Variants in PNPLA7 observed in about 807,000 individuals in gnomAD.
PNPLA7 encodes the protein patatin-like phospholipase domain-containing protein 7.
Under a neutral mutation model 161.7 loss-of-function variants are expected in PNPLA7, and 153 were observed. The observed-to-expected ratio is 0.95, with a 90% CI of 0.83 to 1.08. The LOEUF is 1.08. Among genes scored for constraint, PNPLA7 ranks in the 50% least tolerant of loss-of-function variants. The pLI is 0.00. For missense variants in PNPLA7, 1,739 were observed against 1,856.6 expected (o/e 0.94, Z 1.16); for synonymous variants, 809 against 782.1 (o/e 1.03, Z -0.57).
rs374416034 is a variant in PNPLA7, at chr9:137,462,833, G to T, written c.3344C>A (p.Ala1115Glu). 8 of 1,613,530 alleles carry T rather than the reference G, an allele frequency of 5.0e-6. No individual in the cohort carries two copies. Among genetic ancestry groups the T allele is most frequent in the Non-Finnish European group, 6.8e-6 (8 of 1,179,884 alleles). The change falls in exon 30 of 35, where the codon GCG becomes GAG. Residue 1115 changes from alanine to glutamate, a missense_variant and splice_region_variant. Ala to Glu is a moderately radical substitution (Grantham distance 107). Coordinates refer to ENST00000406427, the MANE Select transcript of PNPLA7 (RefSeq NM_001098537.3). ...MDGGYINNLP[A>E]DVARSMGAKV... ...TGCCCCCATGGACCGGGCCACATCCGCTAGGGAGAAGCCAGCCCTGGTTAC... is the reference window on the plus strand; with the variant it reads ...TGCCCCCATGGACCGGGCCACATCCTCTAGGGAGAAGCCAGCCCTGGTTAC...
At chr9:137,481,188 C>G (rs1832202230) in intron 21 of PNPLA7, among the ~76,000 whole-genome samples, 165 bp from the exon 22 acceptor site, 1 of 152,210 alleles carries the variant, frequency 6.6e-6, no homozygotes, top group African/African-American at 2.4e-5. Flanking sequence ...ACCCCAAGGT[C>G]TGCTCCCCTT....
In PNPLA7 at chr9:137,462,008, C is replaced by T; in HGVS notation, c.3679G>A (p.Asp1227Asn). Residue 1227 changes from aspartate (D) to asparagine (N), a missense_variant, in exon 32 of 35, where the codon GAC becomes AAC. Coordinates refer to ENST00000406427, the MANE Select transcript of PNPLA7 (RefSeq NM_001098537.3). ...VGYQHGRTVF[D>N]IWGRSGVLEK... Reference sequence around the variant, plus strand: ...AGCACGCCGCTGCGGCCCCAGATGTCAAACACCGTGCGCCCGTGCTGGTAG... The same window carrying T: ...AGCACGCCGCTGCGGCCCCAGATGTTAAACACCGTGCGCCCGTGCTGGTAG... 6.2e-7 allele frequency: 1 copy of T among 1,603,932 alleles called. No individual in the cohort carries two copies. Among genetic ancestry groups the T allele is most frequent in the Non-Finnish European group, 8.5e-7 (1 of 1,177,120 alleles).
chr9:137,463,255 G>A (rs554297404), intron 29 of PNPLA7, 160 bp downstream of exon 29: 69 of 675,334 alleles, frequency 1.0e-4, no homozygotes, highest in African/African-American at 8.1e-4. Flanking sequence ...GCATGTTCTC[G>A]GAGCTCTGAT....
chr9:137,465,519 C>T (rs571532182), intron 26 of PNPLA7, among the ~76,000 whole-genome samples: 150 of 152,344 alleles, frequency 9.8e-4, no homozygotes, highest in African/African-American at 3.5e-3. Flanking sequence ...GGTTCTGTCC[C>T]GAGGACGCTG....
At chr9:137,515,235 G>T in intron 12 of PNPLA7, 144 bp downstream of exon 12, 1 of 1,096,894 alleles carries the variant, frequency 9.1e-7, no homozygotes, top group Admixed American at 2.8e-5. Flanking sequence ...CAGAGGACAG[G>T]CACAGGCCCC....
rs1832465295 is a variant in PNPLA7 at position 137,486,044 on chromosome 9, T to C, written c.2198-1308A>G. Among the ~76,000 whole-genome samples the C allele has an allele frequency of 6.6e-6, 1 of 151,722 alleles. No homozygotes were observed. Among genetic ancestry groups the C allele is most frequent in the South Asian group, 2.1e-4 (1 of 4,800 alleles). On this transcript the variant is annotated intron_variant, in intron 20 of 34. Transcript: ENST00000406427. This position sits in a 1 kb window ranked among gnomAD's most constrained non-coding sequence, Gnocchi z 6.0. ...CCCACGAGGGTCTCCTGCATCTAGG[T>C]GCCGTGGATGCTCCTCCTCTGCAGT...
intron 17 of PNPLA7, among the ~76,000 whole-genome samples, chr9:137,497,584 G>A (rs894652515): frequency 1.3e-5 from 2 of 152,240 alleles, no homozygotes; most frequent in East Asian, 1.9e-4. Flanking sequence ...CTGAAGTGCA[G>A]TGGCACGACC....
At position 137,547,891 on chromosome 9, in the gene PNPLA7, G is replaced by A. The variant is rs527445086; in HGVS notation, c.31-232C>T. On this transcript the variant is annotated intron_variant, in intron 1 of 34. Coordinates refer to ENST00000406427, the MANE Select transcript of PNPLA7 (RefSeq NM_001098537.3). The surrounding 1 kb of genome is among the most constrained non-coding windows in gnomAD (Gnocchi z 4.6). ...TGGGATACAGTGGGGCAGGGCCAGC[G>A]GCTGCCCCAGGCATCACTAACACAC... 8.5e-5 allele frequency among the ~76,000 whole-genome samples: 13 copies of A among 152,298 alleles called. No homozygotes were observed. The highest frequency in any genetic ancestry group is 7.2e-4 in the Admixed American group (11 of 15,300).
rs1831552044 is a variant in PNPLA7 at position 137,467,955 on chromosome 9, T to C, written c.2883-482A>G. The stretch of plus-strand genomic sequence containing the variant: ...ATGAAATCCTTCCTTCTGGAGGTAC[T>C]GAGGGACTGTGAGGCTGGGATGGGG... On this transcript the variant is annotated intron_variant, in intron 25 of 34. Transcript: ENST00000406427. The surrounding 1 kb of genome is among the most constrained non-coding windows in gnomAD (Gnocchi z 5.1). 6.6e-6 allele frequency among the ~76,000 whole-genome samples: 1 copy of C among 151,832 alleles called. No homozygotes were observed. Among genetic ancestry groups the C allele is most frequent in the Non-Finnish European group, 1.5e-5 (1 of 67,934 alleles).
chr9:137,549,894 G>A (rs577412868), intron 1 of PNPLA7, among the ~76,000 whole-genome samples: 20 of 152,250 alleles, frequency 1.3e-4, no homozygotes, highest in Non-Finnish European at 2.5e-4. Flanking sequence ...CAAGGCCTCA[G>A]GCAATGCCCA....
At chr9:137,494,167 G>C (rs1222511159) in intron 19 of PNPLA7, among the ~76,000 whole-genome samples, 2 of 152,162 alleles carry the variant, frequency 1.3e-5, no homozygotes, top group Non-Finnish European at 2.9e-5. Context: ...GCTGGCTGAT[G>C]AACAACTGCA....
At position 137,540,574 on chromosome 9, in the gene PNPLA7, A is replaced by T; in HGVS notation, c.747+68T>A. ...TTAACCACTACCAGCTGTCCAGACA[A>T]GACAGAAAAACCAGGCCTCCGGGGC... On this transcript the variant is annotated intron_variant, in intron 8 of 34. Transcript: ENST00000406427. The surrounding 1 kb of genome is among the most constrained non-coding windows in gnomAD (Gnocchi z 5.1). 1 of 1,369,250 alleles carries T rather than the reference A, an allele frequency of 7.3e-7. No individual in the cohort carries two copies. Among genetic ancestry groups the T allele is most frequent in the Non-Finnish European group, 1.0e-6 (1 of 987,974 alleles). The allele number at this position is 1,369,250 out of a possible 1,614,324, so 84.8% of individuals were successfully genotyped here.
At chr9:137,461,831 C>G in intron 32 of PNPLA7, 100 bp downstream of exon 32, 1 of 1,345,372 alleles carries the variant, frequency 7.4e-7, no homozygotes, top group Non-Finnish European at 1.0e-6. Context: ...GGCCTGTGGC[C>G]TGAGGAGCTG....
intron 1 of PNPLA7, among the ~76,000 whole-genome samples, chr9:137,548,538 A>G (rs1282248934): frequency 6.6e-6 from 1 of 152,160 alleles, no homozygotes; most frequent in East Asian, 1.9e-4. Flanking sequence ...TCATGAGGTC[A>G]GGAGATCGAG....
In PNPLA7 at chr9:137,480,489, C is replaced by T. The variant is rs368486042; in HGVS notation, c.2412-9G>A. The T allele has an allele frequency of 1.9e-5, 30 of 1,600,122 alleles. No individual in the cohort carries two copies. Among genetic ancestry groups the T allele is most frequent in the Admixed American group, 1.2e-4 (7 of 58,462 alleles). On this transcript the variant is annotated splice_polypyrimidine_tract_variant and intron_variant, in intron 22 of 34. Coordinates refer to ENST00000406427, the MANE Select transcript of PNPLA7 (RefSeq NM_001098537.3). The stretch of plus-strand genomic sequence containing the variant: ...GCCGGTACTCGTGAACACTGCAGCA[C>T]GCAGAGGGAGTACCTCACTACTCCG...
chr9:137,542,838 AG>A (rs1384308329), intron 6 of PNPLA7, 37 bp from the exon 7 acceptor site: 1 of 1,586,640 alleles, frequency 6.3e-7, no homozygotes, highest in African/African-American at 1.3e-5. Context: ...ACGCCCTTCC[AG>A]GGGAGGAGGA....
chr9:137,485,242 C>T (rs143542620), intron 20 of PNPLA7, among the ~76,000 whole-genome samples: 3 of 152,382 alleles, frequency 2.0e-5, no homozygotes, highest in African/African-American at 4.8e-5. Context: ...CAGTGATTCA[C>T]GGAGCGACTG....
chr9:137,529,767 C>T (rs1402820219), intron 8 of PNPLA7, among the ~76,000 whole-genome samples: 2 of 151,006 alleles, frequency 1.3e-5, no homozygotes, highest in African/African-American at 4.9e-5. Context: ...AAGCAACTCT[C>T]CTGCCTCAGC....
At chr9:137,532,896 A>C (rs1021064986) in intron 8 of PNPLA7, among the ~76,000 whole-genome samples, 1 of 152,194 alleles carries the variant, frequency 6.6e-6, no homozygotes, top group Non-Finnish European at 1.5e-5. Context: ...TGTCCACTCC[A>C]GACGGGAGCA....
Sources: gnomAD v4.1 joint callset for allele counts (sites outside exome capture counted in the v4.1 genomes callset) on GRCh38, gnomAD v4.1.1 for gene constraint, Gnocchi (gnomAD v3.1) non-coding constraint, MANE v1.5 for transcripts, NCBI Gene and HGNC (gene_info 2026-07-23, HGNC 2026-07-21) for gene names.